The following RIMS2 variants were observed in gnomAD, a reference collection of about 807,000 sequenced individuals.
RIMS2 encodes regulating synaptic membrane exocytosis protein 2.
Under a neutral mutation model 174.4 loss-of-function variants are expected in RIMS2, and 59 were observed. The observed-to-expected ratio is 0.34, with a 90% CI of 0.27 to 0.42. The LOEUF is 0.42. RIMS2 is among the 10% of genes least tolerant of loss of function. The pLI is 1.00. For missense variants in RIMS2, 1,620 were observed against 1,666.3 expected, an observed-to-expected ratio of 0.97 and a Z score of 0.48; for synonymous variants, 606 against 572.5, an observed-to-expected ratio of 1.06 and a Z score of -0.84.
chr8:104,000,786 T>G (rs1376327786), intron 17 of RIMS2, among the ~76,000 whole-genome samples: 1 of 152,022 alleles, frequency 6.6e-6, no homozygotes, highest in Non-Finnish European at 1.5e-5. Context: ...ATTGTGGTTT[T>G]GATTTGCATT....
intron 2 of RIMS2, among the ~76,000 whole-genome samples, chr8:103,748,236 G>A (rs1161922830): frequency 6.6e-6 from 1 of 151,950 alleles, no homozygotes; most frequent in Non-Finnish European, 1.5e-5. Context: ...GAGTCTAGGA[G>A]TTCAAGACTA....
At chr8:104,233,061 A>G (rs1206005575) in intron 19 of RIMS2, among the ~76,000 whole-genome samples, 2 of 152,132 alleles carry the variant, frequency 1.3e-5, no homozygotes, top group Non-Finnish European at 2.9e-5. Context: ...CTCTTTGTTC[A>G]TTGAGCATAA....
At chr8:103,538,557 C>A (rs527657980) in intron 1 of RIMS2, among the ~76,000 whole-genome samples, 18 of 151,316 alleles carry the variant, frequency 1.2e-4, no homozygotes, top group African/African-American at 4.4e-4. Flanking sequence ...CGCTCTGTTG[C>A]CCAGGCTGGA....
Position 103,900,424 on chromosome 8 carries a change from G to T in RIMS2, c.1625-9710G>T, listed in dbSNP as rs568047151. Among the ~76,000 whole-genome samples the T allele has an allele frequency of 6.1e-5, 9 of 148,754 alleles. 2 individuals carry two copies. The highest frequency in any genetic ancestry group is 2.4e-4 in the African/African-American group (9 of 38,290). On this transcript the variant is annotated intron_variant, in intron 4 of 23. Transcript: ENST00000504942. ...TTTTTAGTAAAGACAGGATTTCACT[G>T]TGTTGGCCAGGCCATTATAGTAGTT...
chr8:104,075,812 A>G (rs1191352549), intron 19 of RIMS2, among the ~76,000 whole-genome samples: 1 of 152,132 alleles, frequency 6.6e-6, no homozygotes, highest in African/African-American at 2.4e-5. Context: ...CTACGAAACT[A>G]TGAGAGTATG....
intron 1 of RIMS2, among the ~76,000 whole-genome samples, chr8:103,669,903 G>A (rs573953456): frequency 3.9e-4 from 59 of 152,276 alleles, no homozygotes; most frequent in African/African-American, 1.3e-3. Flanking sequence ...GAGGATGGTG[G>A]CCCTCTTCTC....
intron 2 of RIMS2, among the ~76,000 whole-genome samples, chr8:103,731,700 T>G (rs1268163379): frequency 2.0e-5 from 3 of 152,158 alleles, no homozygotes; most frequent in Non-Finnish European, 4.4e-5. Flanking sequence ...CACTAATTCT[T>G]TCTTCTCCTT....
At chr8:103,764,596 T>C (rs1184526327) in intron 2 of RIMS2, among the ~76,000 whole-genome samples, 1 of 152,160 alleles carries the variant, frequency 6.6e-6, no homozygotes. Context: ...AAATTTGAAC[T>C]GAGGCATGTT....
chr8:103,802,330 C>T (rs1008641104), intron 3 of RIMS2, among the ~76,000 whole-genome samples: 7 of 152,136 alleles, frequency 4.6e-5, no homozygotes, highest in Non-Finnish European at 1.0e-4. Context: ...GATATATTAG[C>T]AGTAGAAGTA....
At chr8:104,217,241 T>A (rs192087271) in intron 19 of RIMS2, among the ~76,000 whole-genome samples, 1 of 150,470 alleles carries the variant, frequency 6.6e-6, no homozygotes, top group African/African-American at 2.5e-5. Flanking sequence ...TTAATCTTTC[T>A]TCTCATACTG....
intron 19 of RIMS2, among the ~76,000 whole-genome samples, chr8:104,243,999 T>C (rs1196401267): frequency 1.3e-5 from 2 of 152,180 alleles, no homozygotes; most frequent in Admixed American, 1.3e-4. Flanking sequence ...TTTGCCATGC[T>C]GTTTCCCTTG....
chr8:103,816,468 T>C (rs912314612), intron 3 of RIMS2, among the ~76,000 whole-genome samples: 2 of 152,168 alleles, frequency 1.3e-5, no homozygotes, highest in Non-Finnish European at 2.9e-5. Context: ...CCTCATGGAA[T>C]TGAGGGTGAA....
chr8:103,622,721 A>G (rs2095664842), intron 1 of RIMS2, among the ~76,000 whole-genome samples: 1 of 152,180 alleles, frequency 6.6e-6, no homozygotes, highest in South Asian at 2.1e-4. Context: ...ATAACCTTAT[A>G]TGCTCTCCTA....
chr8:104,094,411 G>T, intron 19 of RIMS2: 1 of 579,972 alleles, frequency 1.7e-6, no homozygotes. Context: ...TTTCATAAGT[G>T]TTTTTTCTTG....
At chr8:103,957,906 A>G (rs1274443750) in intron 14 of RIMS2, among the ~76,000 whole-genome samples, 1 of 152,160 alleles carries the variant, frequency 6.6e-6, no homozygotes, top group Non-Finnish European at 1.5e-5. Flanking sequence ...AGAATAACAG[A>G]TGCTGGCAAG....
At chr8:103,942,655 T>C in intron 13 of RIMS2, 118 bp from the exon 16 acceptor site, 1 of 722,454 alleles carries the variant, frequency 1.4e-6, no homozygotes, top group South Asian at 3.0e-5. Context: ...TAAATGACCT[T>C]GTTTTTCATG....
intron 3 of RIMS2, among the ~76,000 whole-genome samples, chr8:103,856,984 A>G (rs1248915931): frequency 6.6e-6 from 1 of 152,050 alleles, no homozygotes; most frequent in Admixed American, 6.6e-5. Context: ...AAGATTTCCA[A>G]TAAGTTTAAG....
chr8:103,849,965 A>G (rs2098988734), intron 3 of RIMS2, among the ~76,000 whole-genome samples: 2 of 152,012 alleles, frequency 1.3e-5, no homozygotes, highest in Non-Finnish European at 2.9e-5. Context: ...CAAAAAGAAA[A>G]ATGGTCCTAA....
At chr8:103,940,875 CAAAA>C (rs11284715) in intron 13 of RIMS2, among the ~76,000 whole-genome samples, 3 of 92,912 alleles carry the variant, frequency 3.2e-5, no homozygotes, top group Non-Finnish European at 2.1e-5. Flanking sequence ...GACTCCATCT[CAAAA>C]AAAAAAAAAA....
Sources: gnomAD v4.1 joint callset for allele counts (sites outside exome capture counted in the v4.1 genomes callset) on GRCh38, gnomAD v4.1.1 for gene constraint, MANE v1.5 for transcripts, NCBI Gene and HGNC (gene_info 2026-07-23, HGNC 2026-07-21) for gene names.